Variants in RMST observed in about 807,000 individuals in gnomAD.
RMST encodes rhabdomyosarcoma 2 associated transcript.
intron 11 of RMST, among the ~76,000 whole-genome samples, chr12:97,544,337 G>A (rs962569297): frequency 3.3e-5 from 5 of 152,028 alleles, no homozygotes; most frequent in African/African-American, 1.2e-4. Context: ...TGCCCAGTTG[G>A]GTTTGGTTAG....
chr12:97,513,302 A>T (rs1010900491), intron 10 of RMST, among the ~76,000 whole-genome samples: 1 of 152,254 alleles, frequency 6.6e-6, no homozygotes, highest in African/African-American at 2.4e-5. Flanking sequence ...GTCACCTCTC[A>T]GTTACAAAGC....
At chr12:97,504,762 G>C (rs1453568339) in intron 10 of RMST, among the ~76,000 whole-genome samples, 3 of 152,104 alleles carry the variant, frequency 2.0e-5, no homozygotes, top group Non-Finnish European at 4.4e-5. Context: ...ACTATACCTT[G>C]GCTATCCTAA....
intron 5 of RMST, among the ~76,000 whole-genome samples, chr12:97,487,105 A>G (rs1876197856): frequency 6.6e-6 from 1 of 152,234 alleles, no homozygotes; most frequent in Non-Finnish European, 1.5e-5. Context: ...AAGAATTTCC[A>G]GTTTCACCAC....
At chr12:97,556,865 C>T (rs1178414445) in intron 11 of RMST, among the ~76,000 whole-genome samples, 1 of 152,150 alleles carries the variant, frequency 6.6e-6, no homozygotes, top group African/African-American at 2.4e-5. Flanking sequence ...TTTCAGACAA[C>T]CCTATTTAGA....
intron 5 of RMST, among the ~76,000 whole-genome samples, chr12:97,480,497 A>C (rs1470704915): frequency 6.6e-6 from 1 of 152,178 alleles, no homozygotes; most frequent in Non-Finnish European, 1.5e-5. Flanking sequence ...TGCACCATAC[A>C]AATGACCTTT....
chr12:97,485,350 G>A (rs1195012313), intron 5 of RMST, among the ~76,000 whole-genome samples: 1 of 152,068 alleles, frequency 6.6e-6, no homozygotes, highest in African/African-American at 2.4e-5. Flanking sequence ...CAGTTTTTGA[G>A]TATTTTACTG....
intron 8 of RMST, among the ~76,000 whole-genome samples, chr12:97,494,167 G>C (rs574202432): frequency 6.6e-6 from 1 of 152,152 alleles, no homozygotes; most frequent in African/African-American, 2.4e-5. Context: ...CTGTCCCCAG[G>C]TAGCATTTGG....
At chr12:97,483,436 A>G (rs1593150687) in intron 5 of RMST, 1 of 152,290 alleles carries the variant, frequency 6.6e-6, no homozygotes, top group East Asian at 1.9e-4. Flanking sequence ...TTCAGACTTG[A>G]GGTTAACATG....
chr12:97,528,633 CTT>C (rs1881345458), intron 10 of RMST, among the ~76,000 whole-genome samples: 1 of 152,040 alleles, frequency 6.6e-6, no homozygotes, highest in Admixed American at 6.6e-5. Flanking sequence ...GGAATAAACT[CTT>C]TTCAGTATTG....
intron 5 of RMST, among the ~76,000 whole-genome samples, chr12:97,468,863 C>T (rs981834881): frequency 3.3e-5 from 5 of 151,954 alleles, no homozygotes; most frequent in Admixed American, 2.0e-4. Context: ...ACTCATGCAT[C>T]AAATGTTGGT....
At chr12:97,538,768 G>A (rs1255324206) in intron 11 of RMST, among the ~76,000 whole-genome samples, 1 of 151,384 alleles carries the variant, frequency 6.6e-6, no homozygotes, top group Non-Finnish European at 1.5e-5. Flanking sequence ...TTTCAATTAT[G>A]CTAATTTCTA....
chr12:97,492,065 G>C lies in RMST; in HGVS notation n.645-396G>C, dbSNP rs1593171065. 1.3e-5 allele frequency: 6 copies of C among 473,370 alleles called. No homozygotes were observed. In the East Asian group the frequency reaches 2.9e-4, roughly 23 times the overall value. The allele number at this position is 473,370 out of a possible 1,614,324, so 29.3% of individuals were successfully genotyped here. On this transcript the variant is annotated intron_variant and non_coding_transcript_variant, in intron 5 of 13. Coordinates refer to ENST00000640149, the Ensembl canonical transcript of RMST. ...TCAAAAATGTGCACAGGTTTGATGA[G>C]TGGTTAAGATGCCTGCCTTTTAGTG...
intron 5 of RMST, among the ~76,000 whole-genome samples, chr12:97,488,453 A>G (rs983411515): frequency 1.3e-5 from 2 of 152,194 alleles, no homozygotes; most frequent in African/African-American, 4.8e-5. Flanking sequence ...TTCTTGACCA[A>G]GGCACTACCT....
At chr12:97,542,746 G>A (rs912631895) in intron 11 of RMST, among the ~76,000 whole-genome samples, 8 of 151,998 alleles carry the variant, frequency 5.3e-5, no homozygotes, top group Non-Finnish European at 1.2e-4. Flanking sequence ...GCATGGCAGA[G>A]TTTCGGTGTA....
At chr12:97,516,135 A>G (rs1239327679) in intron 10 of RMST, among the ~76,000 whole-genome samples, 1 of 152,056 alleles carries the variant, frequency 6.6e-6, no homozygotes, top group African/African-American at 2.4e-5. Context: ...AACTATGTCA[A>G]CAGTAGTTGA....
At chr12:97,558,853 C>A (rs998561495) in intron 11 of RMST, among the ~76,000 whole-genome samples, 1 of 152,098 alleles carries the variant, frequency 6.6e-6, no homozygotes, top group African/African-American at 2.4e-5. Flanking sequence ...CCTGATGGGG[C>A]CTCATTTGTT....
At chr12:97,475,390 C>T (rs1393272414) in intron 5 of RMST, among the ~76,000 whole-genome samples, 6 of 152,088 alleles carry the variant, frequency 3.9e-5, no homozygotes, top group Non-Finnish European at 2.9e-5. Context: ...TTCTTTCTCA[C>T]CTTGGGGCTG....
intron 5 of RMST, among the ~76,000 whole-genome samples, chr12:97,468,776 T>C (rs929231729): frequency 1.3e-5 from 2 of 151,994 alleles, no homozygotes; most frequent in African/African-American, 4.8e-5. Context: ...TGCTAGAAAT[T>C]GGAAACATGG....
At chr12:97,541,230 G>A (rs1421875274) in intron 11 of RMST, 1 of 151,506 alleles carries the variant, frequency 6.6e-6, no homozygotes, top group Non-Finnish European at 1.5e-5. Flanking sequence ...AAGTAATATT[G>A]CATTCATTTT....
Sources: gnomAD v4.1 joint callset for allele counts (sites outside exome capture counted in the v4.1 genomes callset) on GRCh38, gnomAD v4.1.1 for gene constraint, MANE v1.5 for transcripts, NCBI Gene and HGNC (gene_info 2026-07-23, HGNC 2026-07-21) for gene names.